Variants in CLTCL1 observed in about 807,000 individuals in gnomAD.
The protein encoded by CLTCL1 is clathrin heavy chain like 1.
A neutral mutation model predicts 190.0 loss-of-function variants in CLTCL1; 159 were observed. The observed-to-expected ratio is 0.84, with a 90% confidence interval of 0.74 to 0.95. The LOEUF is 0.95. Among genes scored for constraint, CLTCL1 ranks in the 40% least tolerant of loss-of-function variants. CLTCL1 has a pLI of 0.00. For synonymous variants in CLTCL1, 752 were observed against 769.6 expected, an observed-to-expected ratio of 0.98 and a Z score of 0.38; for missense variants, 1,878 against 2,033.4, an observed-to-expected ratio of 0.92 and a Z score of 1.47.
intron 22 of CLTCL1, 134 bp downstream of exon 22, chr22:19,208,020 G>C: frequency 9.8e-7 from 1 of 1,017,826 alleles, no homozygotes; most frequent in Non-Finnish European, 1.5e-6. Flanking sequence ...AACCACCCCC[G>C]ACCTGTCTGT....
intron 22 of CLTCL1, among the ~76,000 whole-genome samples, chr22:19,204,377 C>A (rs2146345961): frequency 6.6e-6 from 1 of 152,346 alleles, no homozygotes; most frequent in South Asian, 2.1e-4. Flanking sequence ...GTTCTAAGGG[C>A]TCCTTCCCAG....
At position 19,252,789 on chromosome 22, in the gene CLTCL1, C is replaced by A. The variant is rs183754370; in HGVS notation, c.519+1170G>T. 7.2e-5 allele frequency among the ~76,000 whole-genome samples: 11 copies of A among 152,234 alleles called. No individual in the cohort carries two copies. In the South Asian group the frequency reaches 1.5e-3, roughly 20 times the overall value. On this transcript the variant is annotated intron_variant, in intron 3 of 32. Coordinates refer to ENST00000427926, the MANE Select transcript of CLTCL1 (RefSeq NM_007098.4). ...CAGCACTTTGGGAGGCCAAGGCGGG[C>A]GGATCACGAGGTCAGGAGATCAAGG... is the stretch of plus-strand genomic sequence containing the variant.
chr22:19,269,784 A>C (rs543340011), intron 2 of CLTCL1, among the ~76,000 whole-genome samples: 29 of 152,150 alleles, frequency 1.9e-4, no homozygotes, highest in African/African-American at 6.7e-4. Context: ...CTGTCAGGGG[A>C]GTGGGGGGCG....
At chr22:19,281,676 C>A (rs1190606712) in intron 1 of CLTCL1, among the ~76,000 whole-genome samples, 1 of 152,182 alleles carries the variant, frequency 6.6e-6, no homozygotes, top group Non-Finnish European at 1.5e-5. Context: ...GAGCAGTGCA[C>A]TGAAGTGGGC....
At chr22:19,286,595 C>T (rs1468145899) in intron 1 of CLTCL1, among the ~76,000 whole-genome samples, 3 of 152,106 alleles carry the variant, frequency 2.0e-5, no homozygotes, top group Non-Finnish European at 2.9e-5. Flanking sequence ...AGCATGACCC[C>T]CAGAAGCCTC....
chr22:19,265,138 C>T (rs1362779824), intron 2 of CLTCL1, among the ~76,000 whole-genome samples: 3 of 152,100 alleles, frequency 2.0e-5, no homozygotes, highest in Non-Finnish European at 4.4e-5. Context: ...AAGATAAAGG[C>T]CTGCTGCCAT....
intron 4 of CLTCL1, among the ~76,000 whole-genome samples, chr22:19,240,083 A>C (rs1490715626): frequency 6.6e-6 from 1 of 150,882 alleles, no homozygotes; most frequent in Non-Finnish European, 1.5e-5. Context: ...CAAGTAGCTG[A>C]GATTACAGAT....
At chr22:19,196,240 A>G (rs1277357214) in intron 26 of CLTCL1, 26 bp downstream of exon 26, 1 of 1,605,942 alleles carries the variant, frequency 6.2e-7, no homozygotes, top group African/African-American at 1.3e-5. Flanking sequence ...GGCTGGCAGG[A>G]GCCAGCGCTC....
At chr22:19,252,338 C>T (rs933064121) in intron 3 of CLTCL1, among the ~76,000 whole-genome samples, 1 of 152,166 alleles carries the variant, frequency 6.6e-6, no homozygotes, top group Non-Finnish European at 1.5e-5. Context: ...CTAAGTCTTG[C>T]CCCTCTAGCT....
At chr22:19,201,909 C>G (rs2084899259) in intron 22 of CLTCL1, among the ~76,000 whole-genome samples, 1 of 152,128 alleles carries the variant, frequency 6.6e-6, no homozygotes, top group Non-Finnish European at 1.5e-5. Context: ...ACAAATCTTT[C>G]TCATTCTCTG....
chr22:19,183,261 G>T, intron 30 of CLTCL1, 129 bp downstream of exon 30: 1 of 745,700 alleles, frequency 1.3e-6, no homozygotes, highest in Admixed American at 2.5e-5. Context: ...CCTGAAGGCA[G>T]CCAGGGCTGG....
In CLTCL1 at chr22:19,196,372, A is replaced by C; in HGVS notation, c.4085T>G (p.Val1362Gly). The change falls in exon 26 of 33, where the codon GTG (valine) becomes GGG (glycine). Residue 1362 changes from valine to glycine, a missense_variant. Val to Gly is a moderately radical substitution (Grantham distance 109, BLOSUM62 -3). Transcript: ENST00000427926. ...CTCCTCGTACTTGTCATAGAGGAAC[A>C]CCAGCTCAGCCCACAGGTGTGCCTG... ...AEQAHLWAEL[V>G]FLYDKYEEYD... 6.2e-7 allele frequency: 1 copy of C among 1,614,010 alleles called. No homozygotes were observed. The highest frequency in any genetic ancestry group is 8.5e-7 in the Non-Finnish European group (1 of 1,179,896).
intron 1 of CLTCL1, among the ~76,000 whole-genome samples, chr22:19,283,703 C>T (rs2087804947): frequency 3.3e-5 from 5 of 151,992 alleles, no homozygotes; most frequent in African/African-American, 1.2e-4. Context: ...TCAAATCTGA[C>T]AATGGGGGCC....
rs1020415025 is a variant in CLTCL1 at position 19,221,602 on chromosome 22, C to T, written c.2571G>A (p.Leu857=). Residue 857 remains leucine, a synonymous_variant, in exon 17 of 33, where the codon CTG becomes CTA. Coordinates refer to ENST00000427926, the MANE Select transcript of CLTCL1 (RefSeq NM_007098.4). ...TCTGGGACTCCAGCCAGGGAAGCAG[C>T]AGCTTGAGCCTTTGAAAGAAGGAAG... ...AEVEKRNRLK[L]LLPWLESQIQ... 20 of 1,583,070 alleles carry T rather than the reference C, an allele frequency of 1.3e-5. No individual in the cohort carries two copies. The highest frequency in any genetic ancestry group is 1.5e-5 in the Non-Finnish European group (18 of 1,164,054).
Position 19,234,971 on chromosome 22 carries a change from T to C in CLTCL1, c.970-265A>G, listed in dbSNP as rs533655359. Among the ~76,000 whole-genome samples, 101 of 152,348 alleles carry C rather than the reference T, an allele frequency of 6.6e-4. No individual in the cohort carries two copies. In the Middle Eastern group the frequency reaches 0.014, roughly 21 times the overall value. On this transcript the variant is annotated intron_variant, in intron 6 of 32. Coordinates refer to ENST00000427926, the MANE Select transcript of CLTCL1 (RefSeq NM_007098.4). Reference sequence around the variant, plus strand: ...CTGCGCTACAGCAAAATGACCTATGTGGATGGAACTGACAATTTTTCTTCT... The same window carrying C: ...CTGCGCTACAGCAAAATGACCTATGCGGATGGAACTGACAATTTTTCTTCT...
chr22:19,204,591 A>G (rs782711607), intron 22 of CLTCL1, among the ~76,000 whole-genome samples: 6 of 152,246 alleles, frequency 3.9e-5, no homozygotes, highest in Non-Finnish European at 7.3e-5. Flanking sequence ...CTACATCCAT[A>G]GCCCCTACTC....
At chr22:19,222,575 A>G (rs1234927386) in intron 15 of CLTCL1, 109 bp downstream of exon 15, 20 of 1,348,696 alleles carry the variant, frequency 1.5e-5, no homozygotes, top group African/African-American at 1.5e-5. Context: ...CCACCCTTCA[A>G]AATGATAGTC....
At chr22:19,248,813 C>T (rs2086499783) in intron 3 of CLTCL1, among the ~76,000 whole-genome samples, 1 of 152,134 alleles carries the variant, frequency 6.6e-6, no homozygotes, top group Non-Finnish European at 1.5e-5. Context: ...AGCCTCCCTC[C>T]CAAAGTGCTG....
At chr22:19,240,276 T>C (rs1244136072) in intron 4 of CLTCL1, among the ~76,000 whole-genome samples, 3 of 151,960 alleles carry the variant, frequency 2.0e-5, no homozygotes, top group Non-Finnish European at 4.4e-5. Context: ...ATAACTTTCA[T>C]CTAAAGAAAA....
Sources: gnomAD v4.1 joint callset for allele counts (sites outside exome capture counted in the v4.1 genomes callset) on GRCh38, gnomAD v4.1.1 for gene constraint, MANE v1.5 for transcripts, NCBI Gene and HGNC (gene_info 2026-07-23, HGNC 2026-07-21) for gene names.